ATP1A1: variants seen among roughly 807,000 people sequenced by gnomAD.
ATP1A1 encodes the protein ATPase Na+/K+ transporting subunit alpha 1.
In ATP1A1, 14 loss-of-function variants were observed where a neutral mutation model predicts 114.8. The ratio of observed to expected loss-of-function variants is 0.12; its 90% CI spans 0.08 to 0.19. The LOEUF is 0.19. ATP1A1 is among the 10% of genes least tolerant of loss of function. The pLI is 1.00. For synonymous variants in ATP1A1, 471 were observed against 466.3 expected, an observed-to-expected ratio of 1.01 and a Z score of -0.13; for missense variants, 524 against 1,290.7, an observed-to-expected ratio of 0.41 and a Z score of 9.10.
Position 116,398,847 on chromosome 1 carries a change from C to T in ATP1A1, c.2293+58C>T. On this transcript the variant is annotated intron_variant, in intron 16 of 22. Coordinates refer to ENST00000295598, the MANE Select transcript of ATP1A1 (RefSeq NM_000701.8). This position sits in a 1 kb window ranked among gnomAD's most constrained non-coding sequence, Gnocchi z 6.1. ...TATTCAGATACTGCCCATTAGCATC[C>T]ATTTCTGTATACTTCTTGGATATGT... 1 of 1,609,240 alleles carries T rather than the reference C, an allele frequency of 6.2e-7. No homozygotes were observed.
intron 1 of ATP1A1, among the ~76,000 whole-genome samples, chr1:116,378,887 A>T (rs7538322): frequency 0.23 from 34,822 of 152,144 alleles, 10,919 homozygotes; most frequent in African/African-American, 0.71. Context: ...GGTCAGCAGA[A>T]AGGGGGAGTT....
chr1:116,387,272 T>C lies in ATP1A1; in HGVS notation c.184-16T>C. 6.2e-7 allele frequency: 1 copy of C among 1,613,756 alleles called. No individual in the cohort carries two copies. The highest frequency in any genetic ancestry group is 8.5e-7 in the Non-Finnish European group (1 of 1,179,972). Reference sequence around the variant, plus strand: ...GCTGGTACAGTTTGCCTTATTTATATTCCACTGCTTCTCAGGGATTAACAT... The same window carrying C: ...GCTGGTACAGTTTGCCTTATTTATACTCCACTGCTTCTCAGGGATTAACAT... On this transcript the variant is annotated splice_polypyrimidine_tract_variant and intron_variant, in intron 3 of 22. Transcript: ENST00000295598. This position sits in a 1 kb window ranked among gnomAD's most constrained non-coding sequence, Gnocchi z 6.7.
At chr1:116,391,469 A>G (rs1434536619) in intron 10 of ATP1A1, among the ~76,000 whole-genome samples, 2 of 152,216 alleles carry the variant, frequency 1.3e-5, no homozygotes, top group Admixed American at 6.5e-5. Flanking sequence ...AGATTTTACT[A>G]TGCTGCCCAA....
At chr1:116,374,283 C>T in intron 1 of ATP1A1, 2 of 1,551,602 alleles carry the variant, frequency 1.3e-6, no homozygotes. Context: ...TCCGTAAACA[C>T]AGGATGCACC....
intron 18 of ATP1A1, among the ~76,000 whole-genome samples, chr1:116,400,139 C>T (rs1653319677): frequency 6.6e-6 from 1 of 152,204 alleles, no homozygotes; most frequent in Admixed American, 6.5e-5. Flanking sequence ...GGCAAAGCCA[C>T]CATGGATGTC....
At position 116,395,567 on chromosome 1, in the gene ATP1A1, CATT is replaced by C. The variant is rs1423355670; in HGVS notation, c.1836+286_1836+288del. Among the ~76,000 whole-genome samples the C allele has an allele frequency of 2.6e-5, 4 of 152,172 alleles. No individual in the cohort carries two copies. The highest frequency in any genetic ancestry group is 1.3e-4 in the Admixed American group (2 of 15,286). ...AAGACTTGAAGTTTTAAAATACTTGCATTATTCTAAGTTAATGTACCTTATGCA... is the reference window on the plus strand; with the variant it reads ...AAGACTTGAAGTTTTAAAATACTTGCATTCTAAGTTAATGTACCTTATGCA... On this transcript the variant is annotated intron_variant, in intron 13 of 22. Coordinates refer to ENST00000295598, the MANE Select transcript of ATP1A1 (RefSeq NM_000701.8). The surrounding 1 kb of genome is among the most constrained non-coding windows in gnomAD (Gnocchi z 6.4).
rs1004985643 is a variant in ATP1A1 at position 116,374,053 on chromosome 1, C to T, written c.12+530C>T. 3.6e-6 allele frequency: 5 copies of T among 1,404,880 alleles called. No homozygotes were observed. The African/African-American group carries it at 6.0e-5, about 17-fold the overall frequency. 87.0% of individuals were successfully genotyped at this position (1,404,880 alleles called of 1,614,324 possible). A position where few individuals can be genotyped will look rare whatever the true frequency, so the allele number is the denominator to read the frequency against. On this transcript the variant is annotated intron_variant, in intron 1 of 22. Transcript: ENST00000295598. ...CCCGGGCCTCCGTTCCCGCCGCGGC[C>T]CCGGTTCCGGCGGGGGCAGCCTCCG...
At chr1:116,374,864 G>GTA (rs1433675598) in intron 1 of ATP1A1, among the ~76,000 whole-genome samples, 1 of 152,110 alleles carries the variant, frequency 6.6e-6, no homozygotes, top group African/African-American at 2.4e-5. Flanking sequence ...GGACTCTAAG[G>GTA]GAGTTTTAAA....
rs1245073740 is a variant in ATP1A1, at chr1:116,398,604, T to G, written c.2125-17T>G. 6.2e-7 allele frequency: 1 copy of G among 1,611,644 alleles called. No individual in the cohort carries two copies. Among genetic ancestry groups the G allele is most frequent in the Non-Finnish European group, 8.5e-7 (1 of 1,178,444 alleles). ...AAAAGTGATTGGTATTAACCCGTTT[T>G]CCCTTTTCTGGGGTAGGGTGCTATC... is the stretch of plus-strand genomic sequence containing the variant. On this transcript the variant is annotated splice_polypyrimidine_tract_variant and intron_variant, in intron 15 of 22. Coordinates refer to ENST00000295598, the MANE Select transcript of ATP1A1 (RefSeq NM_000701.8). This position sits in a 1 kb window ranked among gnomAD's most constrained non-coding sequence, Gnocchi z 6.1.
chr1:116,373,831 C>A (rs1651162134), intron 1 of ATP1A1: 9 of 1,195,310 alleles, frequency 7.5e-6, no homozygotes, highest in Non-Finnish European at 9.3e-6. Flanking sequence ...AGAGGCGGTG[C>A]TTGGGAAGCC....
intron 3 of ATP1A1, chr1:116,386,126 C>CAAAAAAAAAAAAAAAAAAA (rs59480092): frequency 2.8e-5 from 1 of 36,090 alleles, no homozygotes. Context: ...AACTCCATCT[C>CAAAAAAAAAAAAAAAAAAA]AAAAAAAAAA....
At chr1:116,403,590 C>T (rs1653714816) in intron 21 of ATP1A1, among the ~76,000 whole-genome samples, 1 of 152,220 alleles carries the variant, frequency 6.6e-6, no homozygotes, top group African/African-American at 2.4e-5. Flanking sequence ...GAAAAGTACT[C>T]TGCTCATCCT....
Position 116,401,374 on chromosome 1 carries a change from T to C in ATP1A1, c.2849+114T>C. The C allele has an allele frequency of 1.3e-6, 2 of 1,536,044 alleles. No individual in the cohort carries two copies. Among genetic ancestry groups the C allele is most frequent in the East Asian group, 4.5e-5 (2 of 44,280 alleles). On this transcript the variant is annotated intron_variant, in intron 20 of 22. Coordinates refer to ENST00000295598, the MANE Select transcript of ATP1A1 (RefSeq NM_000701.8). This position sits in a 1 kb window ranked among gnomAD's most constrained non-coding sequence, Gnocchi z 4.7. ...CATATAGCCAGGTTTCTGGAATCTC[T>C]AGTTTATAGAGCAAATTTAGGAAGC... is the stretch of plus-strand genomic sequence containing the variant.
rs540824543 is a variant in ATP1A1 at position 116,399,672 on chromosome 1, C to T, written c.2572+129C>T. On this transcript the variant is annotated intron_variant, in intron 18 of 22. Coordinates refer to ENST00000295598, the MANE Select transcript of ATP1A1 (RefSeq NM_000701.8). The surrounding 1 kb of genome is among the most constrained non-coding windows in gnomAD (Gnocchi z 5.0). ...CTTTCAGGTCTAGGATGAGCCCTAA[C>T]GGAGTGAGCCTGTGGAGTTTCTCTG... 130 of 1,282,462 alleles carry T rather than the reference C, an allele frequency of 1.0e-4. No homozygotes were observed. The highest frequency in any genetic ancestry group is 4.1e-4 in the East Asian group (17 of 41,122). The allele number at this position is 1,282,462 out of a possible 1,614,324, so 79.4% of individuals were successfully genotyped here. A position where few individuals can be genotyped will look rare whatever the true frequency, so the allele number is the denominator to read the frequency against.
chr1:116,392,718 C>A, intron 10 of ATP1A1, 136 bp from the exon 11 acceptor site: 1 of 1,081,486 alleles, frequency 9.2e-7, no homozygotes, highest in Non-Finnish European at 1.3e-6. Flanking sequence ...CCACTTAACA[C>A]CGCTGCTTCC....
intron 3 of ATP1A1, among the ~76,000 whole-genome samples, chr1:116,386,868 G>C (rs914074264): frequency 6.6e-6 from 1 of 151,994 alleles, no homozygotes; most frequent in Admixed American, 6.6e-5. Context: ...TTGTAGAGGG[G>C]TTTTTTTTCC....
At position 116,401,671 on chromosome 1, in the gene ATP1A1, G is replaced by A. The variant is rs376266264; in HGVS notation, c.2951+16G>A. 3.4e-5 allele frequency: 54 copies of A among 1,606,294 alleles called. No individual in the cohort carries two copies. The highest frequency in any genetic ancestry group is 4.6e-5 in the Non-Finnish European group (54 of 1,173,846). On this transcript the variant is annotated intron_variant, in intron 21 of 22. Transcript: ENST00000295598. The surrounding 1 kb of genome is among the most constrained non-coding windows in gnomAD (Gnocchi z 4.7). ...ATCCCCTCAAGTAAGTTGATCCTCT[G>A]GTAGCTCCAAAAAGTATGAAATAGT...
In ATP1A1 at chr1:116,388,304, G is replaced by A; in HGVS notation, c.501+60G>A. The A allele has an allele frequency of 7.6e-7, 1 of 1,322,478 alleles. No homozygotes were observed. Among genetic ancestry groups the A allele is most frequent in the Non-Finnish European group, 1.1e-6 (1 of 920,022 alleles). 81.9% of individuals were successfully genotyped at this position (1,322,478 alleles called of 1,614,324 possible). A position where few individuals can be genotyped will look rare whatever the true frequency, so the allele number is the denominator to read the frequency against. On this transcript the variant is annotated intron_variant, in intron 5 of 22. Coordinates refer to ENST00000295598, the MANE Select transcript of ATP1A1 (RefSeq NM_000701.8). The surrounding 1 kb of genome is among the most constrained non-coding windows in gnomAD (Gnocchi z 5.6). ...TTGACAGCCCCAAGCATGTCAGCCT[G>A]TGAATTAGTGTGAAGTTAAGGTTTT...
At chr1:116,383,412 A>G (rs1348459991) in intron 1 of ATP1A1, 3 of 934,956 alleles carry the variant, frequency 3.2e-6, no homozygotes, top group Non-Finnish European at 3.9e-6. Flanking sequence ...TATAAACAGT[A>G]TAAAAGTACT....
Sources: allele counts gnomAD v4.1 joint callset (sites outside exome capture counted in the v4.1 genomes callset), GRCh38; gene constraint gnomAD v4.1.1; non-coding constraint Gnocchi (gnomAD v3.1); transcripts MANE v1.5; gene names NCBI Gene and HGNC (gene_info 2026-07-23, HGNC 2026-07-21).